The following AP2B1 variants were observed in gnomAD, a reference collection of about 807,000 sequenced individuals.
AP2B1 encodes the protein AP-2 complex subunit beta.
In AP2B1, 23 loss-of-function variants were observed where a neutral mutation model predicts 102.0. The observed-to-expected ratio is 0.23, with a 90% CI of 0.16 to 0.32. The LOEUF is 0.32. Among genes scored for constraint, AP2B1 ranks in the 10% least tolerant of loss-of-function variants. The probability of loss-of-function intolerance (pLI) is 1.00; values close to 1 mark genes in which losing one functional copy is unlikely to be tolerated. For synonymous variants in AP2B1, 381 were observed against 421.2 expected (o/e 0.90, Z 1.17); for missense variants, 541 against 1,157.4 (o/e 0.47, Z 7.73).
chr17:35,658,952 A>G (rs1351401733), intron 14 of AP2B1, among the ~76,000 whole-genome samples: 1 of 152,200 alleles, frequency 6.6e-6, no homozygotes, highest in Non-Finnish European at 1.5e-5. Context: ...GAATTTATAC[A>G]TTGACCAAGC....
At chr17:35,708,662 A>G (rs971563542) in intron 18 of AP2B1, among the ~76,000 whole-genome samples, 2 of 152,202 alleles carry the variant, frequency 1.3e-5, no homozygotes, top group Non-Finnish European at 1.5e-5. Context: ...TAAAACTGAT[A>G]TTTAAAAAAA....
intron 3 of AP2B1, among the ~76,000 whole-genome samples, chr17:35,603,837 A>C (rs971966596): frequency 6.6e-6 from 1 of 152,224 alleles, no homozygotes; most frequent in East Asian, 1.9e-4. Flanking sequence ...TCCTGAAAGC[A>C]AGATGATTCA....
At chr17:35,648,247 G>A (rs922687023) in intron 12 of AP2B1, among the ~76,000 whole-genome samples, 2 of 152,160 alleles carry the variant, frequency 1.3e-5, no homozygotes, top group Non-Finnish European at 2.9e-5. Flanking sequence ...CAGACACGGT[G>A]GCTTATGCCT....
Position 35,723,760 on chromosome 17 carries a change from T to C in AP2B1, c.*61T>C. Reference sequence around the variant, plus strand: ...TCGGTGCAAGTCAAGAACTCTTAACTGGAAGAAATTGTATTGCTGCGTAGA... The same window carrying C: ...TCGGTGCAAGTCAAGAACTCTTAACCGGAAGAAATTGTATTGCTGCGTAGA... On this transcript the variant is annotated 3_prime_UTR_variant, in exon 22 of 22. Transcript: ENST00000610402. 1 of 1,226,606 alleles carries C rather than the reference T, an allele frequency of 8.2e-7. No individual in the cohort carries two copies. Among genetic ancestry groups the C allele is most frequent in the South Asian group, 1.2e-5 (1 of 82,704 alleles). 76.0% of individuals were successfully genotyped at this position (1,226,606 alleles called of 1,614,324 possible). A position where few individuals can be genotyped will look rare whatever the true frequency, so the allele number is the denominator to read the frequency against.
chr17:35,599,268 A>G lies in AP2B1; in HGVS notation c.143+933A>G, dbSNP rs1025438810. On this transcript the variant is annotated intron_variant, in intron 3 of 21. Coordinates refer to ENST00000610402, the MANE Select transcript of AP2B1 (RefSeq NM_001030006.2). ...TTTTATGTGAAAGAATGATTGACAG[A>G]CAAACTATATTTAATCAGACTTTGG... 1.1e-4 allele frequency among the ~76,000 whole-genome samples: 17 copies of G among 152,272 alleles called. 1 individual carries two copies. Among genetic ancestry groups the G allele is most frequent in the African/African-American group, 4.1e-4 (17 of 41,478 alleles).
intron 21 of AP2B1, among the ~76,000 whole-genome samples, chr17:35,720,573 ATT>A (rs1208973388): frequency 0.01 from 285 of 27,862 alleles, no homozygotes; most frequent in South Asian, 0.014. Context: ...ATATATATAT[ATT>A]TTTTTTTTTT....
chr17:35,644,608 C>G (rs911978568), intron 12 of AP2B1, among the ~76,000 whole-genome samples: 1 of 150,908 alleles, frequency 6.6e-6, no homozygotes, highest in East Asian at 2.0e-4. Context: ...TGGTCTTGAA[C>G]TCCTGATCTA....
At chr17:35,643,716 C>T (rs886580189) in intron 12 of AP2B1, among the ~76,000 whole-genome samples, 10 of 152,168 alleles carry the variant, frequency 6.6e-5, no homozygotes, top group South Asian at 2.1e-4. Context: ...TACTAAATTA[C>T]GCTGATACTA....
intron 9 of AP2B1, among the ~76,000 whole-genome samples, chr17:35,635,546 G>A (rs927701162): frequency 2.0e-5 from 3 of 151,892 alleles, no homozygotes; most frequent in African/African-American, 7.3e-5. Context: ...ACCACGCCCG[G>A]CTAATTTGTG....
intron 18 of AP2B1, among the ~76,000 whole-genome samples, chr17:35,695,782 G>A (rs902026520): frequency 7.9e-5 from 12 of 152,090 alleles, no homozygotes; most frequent in Non-Finnish European, 1.3e-4. Context: ...AAAGGCACCA[G>A]TCTTTCCTTT....
chr17:35,668,687 C>CT (rs2075523110), intron 14 of AP2B1, among the ~76,000 whole-genome samples: 1 of 152,172 alleles, frequency 6.6e-6, no homozygotes, highest in Non-Finnish European at 1.5e-5. Context: ...GTGTTCCAGT[C>CT]TAACTGGCCT....
intron 9 of AP2B1, among the ~76,000 whole-genome samples, chr17:35,630,051 G>A (rs569078329): frequency 2.6e-5 from 4 of 152,304 alleles, no homozygotes; most frequent in East Asian, 1.9e-4. Flanking sequence ...TCAGGAATAC[G>A]AAAACAATTT....
intron 17 of AP2B1, among the ~76,000 whole-genome samples, chr17:35,680,367 T>C (rs2075791157): frequency 6.6e-6 from 1 of 152,076 alleles, no homozygotes; most frequent in Non-Finnish European, 1.5e-5. Context: ...TGTTTTCTTC[T>C]TTTTTTTCCA....
chr17:35,666,009 C>T (rs972615728), intron 14 of AP2B1, among the ~76,000 whole-genome samples: 6 of 152,126 alleles, frequency 3.9e-5, no homozygotes, highest in African/African-American at 9.7e-5. Flanking sequence ...TGGAGTCAGG[C>T]GGATTTATTC....
intron 18 of AP2B1, among the ~76,000 whole-genome samples, chr17:35,706,053 C>T (rs226441): frequency 0.51 from 77,263 of 152,004 alleles, 19,705 homozygotes; most frequent in African/African-American, 0.54. Flanking sequence ...CTGTATCTGC[C>T]GCTTCTGATG....
At chr17:35,633,281 A>AC (rs1350017482) in intron 9 of AP2B1, among the ~76,000 whole-genome samples, 1 of 151,216 alleles carries the variant, frequency 6.6e-6, no homozygotes, top group African/African-American at 2.4e-5. Flanking sequence ...AATCACTTGA[A>AC]CCAGGGAGTG....
At chr17:35,587,628 G>A (rs2072936892) in intron 1 of AP2B1, 200 bp downstream of exon 1, 1 of 152,894 alleles carries the variant, frequency 6.5e-6, no homozygotes, top group Admixed American at 6.5e-5. Context: ...CATGATGCCT[G>A]TGGTGCGGTG....
intron 1 of AP2B1, among the ~76,000 whole-genome samples, chr17:35,589,583 A>AT (rs2073017204): frequency 6.6e-6 from 1 of 152,206 alleles, no homozygotes; most frequent in African/African-American, 2.4e-5. Context: ...TTAAATCTGG[A>AT]TATATAGTCC....
chr17:35,631,736 A>T (rs371090359), intron 9 of AP2B1, among the ~76,000 whole-genome samples: 5 of 152,268 alleles, frequency 3.3e-5, no homozygotes, highest in African/African-American at 1.2e-4. Flanking sequence ...CTTTTTCCAA[A>T]TGGTGGTATA....
Sources: allele counts gnomAD v4.1 joint callset (sites outside exome capture counted in the v4.1 genomes callset), GRCh38; gene constraint gnomAD v4.1.1; transcripts MANE v1.5; gene names NCBI Gene and HGNC (gene_info 2026-07-23, HGNC 2026-07-21).